GALNTL6: variants seen among roughly 807,000 people sequenced by gnomAD.
GALNTL6 encodes polypeptide N-acetylgalactosaminyltransferase like 6.
GALNTL6 carries 46 observed loss-of-function variants against 73.7 expected under a neutral mutation model. The observed-to-expected ratio is 0.62, with a 90% CI of 0.49 to 0.80. The LOEUF is 0.80. GALNTL6 is among the 30% of genes least tolerant of loss of function. GALNTL6 has a pLI of 0.00. For missense variants in GALNTL6, 604 were observed against 755.0 expected (o/e 0.80, Z 2.34); for synonymous variants, 259 against 263.7 (o/e 0.98, Z 0.17).
At chr4:172,636,637 G>A (rs1312860494) in intron 5 of GALNTL6, among the ~76,000 whole-genome samples, 2 of 152,252 alleles carry the variant, frequency 1.3e-5, no homozygotes, top group East Asian at 3.9e-4. Context: ...CTTACCCACA[G>A]CCTTCAAAAG....
intron 5 of GALNTL6, among the ~76,000 whole-genome samples, chr4:172,378,061 G>C (rs1431939744): frequency 2.0e-5 from 3 of 152,164 alleles, no homozygotes; most frequent in Non-Finnish European, 2.9e-5. Flanking sequence ...CAGGCACCAA[G>C]AGCGAGTGAG....
intron 2 of GALNTL6, among the ~76,000 whole-genome samples, chr4:171,939,280 C>T (rs1738449222): frequency 6.6e-6 from 1 of 151,884 alleles, no homozygotes; most frequent in South Asian, 2.1e-4. Context: ...AAGTGCTAAT[C>T]AATATACTGA....
intron 5 of GALNTL6, among the ~76,000 whole-genome samples, chr4:172,552,302 A>T (rs1735982875): frequency 6.6e-6 from 1 of 152,272 alleles, no homozygotes; most frequent in African/African-American, 2.4e-5. Context: ...CTCGTTTTGC[A>T]TCTAAAATTA....
At chr4:172,397,537 C>T (rs186557297) in intron 5 of GALNTL6, among the ~76,000 whole-genome samples, 2 of 150,732 alleles carry the variant, frequency 1.3e-5, no homozygotes, top group African/African-American at 4.9e-5. Context: ...GGATTTAACT[C>T]TCCTAGAAAT....
chr4:172,858,927 C>A (rs1162063364), intron 7 of GALNTL6, among the ~76,000 whole-genome samples: 1 of 150,382 alleles, frequency 6.6e-6, no homozygotes, highest in Non-Finnish European at 1.5e-5. Flanking sequence ...ATGAACAAAC[C>A]CATCTCCATG....
intron 2 of GALNTL6, among the ~76,000 whole-genome samples, chr4:171,979,510 T>G (rs889685771): frequency 2.0e-5 from 3 of 152,130 alleles, no homozygotes; most frequent in Non-Finnish European, 4.4e-5. Context: ...GGAAAAGAAG[T>G]TTCAGGCAAC....
intron 3 of GALNTL6, among the ~76,000 whole-genome samples, chr4:172,284,566 TTGAG>T (rs1352326779): frequency 1.4e-5 from 2 of 147,600 alleles, no homozygotes; most frequent in African/African-American, 2.5e-5. Context: ...GCCTGGACTA[TTGAG>T]TCTTCATTAA....
chr4:172,837,346 C>T (rs753025664), intron 7 of GALNTL6, among the ~76,000 whole-genome samples: 9 of 151,902 alleles, frequency 5.9e-5, no homozygotes, highest in South Asian at 2.1e-4. Context: ...ATCATCAGTC[C>T]GCTCTTTTCC....
chr4:172,614,932 A>T (rs1273619338), intron 5 of GALNTL6, among the ~76,000 whole-genome samples: 1 of 152,110 alleles, frequency 6.6e-6, no homozygotes, highest in African/African-American at 2.4e-5. Context: ...AGAAAGTTTA[A>T]AAAAAATGTA....
chr4:171,860,113 T>G (rs1453008148), intron 2 of GALNTL6, among the ~76,000 whole-genome samples: 3 of 152,208 alleles, frequency 2.0e-5, no homozygotes, highest in African/African-American at 7.2e-5. Context: ...TTTGATTAAA[T>G]AATCCATAAT....
At chr4:172,196,984 G>T (rs1735794369) in intron 2 of GALNTL6, among the ~76,000 whole-genome samples, 1 of 152,144 alleles carries the variant, frequency 6.6e-6, no homozygotes, top group African/African-American at 2.4e-5. Context: ...CATATAGGAA[G>T]ACTGTAAGCA....
chr4:172,801,347 T>TATAA (rs1740628704), intron 5 of GALNTL6, among the ~76,000 whole-genome samples: 1 of 152,230 alleles, frequency 6.6e-6, no homozygotes, highest in African/African-American at 2.4e-5. Context: ...GTAGATGCTC[T>TATAA]ATAAATACAT....
chr4:171,819,289 TA>T (rs948275746), intron 2 of GALNTL6, among the ~76,000 whole-genome samples: 2 of 152,170 alleles, frequency 1.3e-5, no homozygotes, highest in African/African-American at 4.8e-5. Context: ...CGGAACACTG[TA>T]ACAAGTATCT....
intron 2 of GALNTL6, 127 bp downstream of exon 2, chr4:171,814,845 C>A: frequency 2.3e-6 from 2 of 888,026 alleles, no homozygotes; most frequent in Non-Finnish European, 3.5e-6. Context: ...CTGATTATTA[C>A]AAGACTCTAG....
chr4:172,708,662 G>A (rs1052078600), intron 5 of GALNTL6, among the ~76,000 whole-genome samples: 1 of 152,180 alleles, frequency 6.6e-6, no homozygotes, highest in Non-Finnish European at 1.5e-5. Context: ...CCTACATGGT[G>A]AGCCCTAGTG....
Position 173,040,386 on chromosome 4 carries a change from A to C in GALNTL6, c.*286A>C. ...TTCAAAACAACTGCTGAGCTAATAA[A>C]TCCTAGCATTTCTCAGGTCAAATCC... is the stretch of plus-strand genomic sequence containing the variant. On this transcript the variant is annotated 3_prime_UTR_variant, in exon 13 of 13. Coordinates refer to ENST00000506823, the MANE Select transcript of GALNTL6 (RefSeq NM_001034845.3). The C allele has an allele frequency of 5.6e-6, 2 of 354,828 alleles. No homozygotes were observed. Among genetic ancestry groups the C allele is most frequent in the African/African-American group, 2.1e-5 (1 of 46,876 alleles). 22.0% of individuals were successfully genotyped at this position (354,828 alleles called of 1,614,324 possible).
intron 2 of GALNTL6, among the ~76,000 whole-genome samples, chr4:172,048,325 A>G (rs1478390088): frequency 6.6e-6 from 1 of 152,202 alleles, no homozygotes; most frequent in Non-Finnish European, 1.5e-5. Flanking sequence ...TTATAGATAC[A>G]GAATACCCAG....
intron 5 of GALNTL6, among the ~76,000 whole-genome samples, chr4:172,499,869 T>G (rs924940681): frequency 6.6e-6 from 1 of 151,688 alleles, no homozygotes; most frequent in East Asian, 1.9e-4. Flanking sequence ...ACAGAGAAAA[T>G]ACACTGAAAA....
At chr4:172,644,043 C>T (rs1240694419) in intron 5 of GALNTL6, among the ~76,000 whole-genome samples, 2 of 151,792 alleles carry the variant, frequency 1.3e-5, no homozygotes, top group Non-Finnish European at 1.5e-5. Context: ...TTCTTGCCTT[C>T]TTCAAAATTT....
Sources: gnomAD v4.1 joint callset for allele counts (sites outside exome capture counted in the v4.1 genomes callset) on GRCh38, gnomAD v4.1.1 for gene constraint, MANE v1.5 for transcripts, NCBI Gene and HGNC (gene_info 2026-07-23, HGNC 2026-07-21) for gene names.